UNC13C: variants seen among roughly 807,000 people sequenced by gnomAD.
UNC13C encodes the protein unc-13 homolog C.
Under a neutral mutation model 245.4 loss-of-function variants are expected in UNC13C, and 174 were observed. That is an observed-to-expected ratio of 0.71 (90% confidence interval 0.63 to 0.80). The LOEUF is 0.80. Among genes scored for constraint, UNC13C ranks in the 30% least tolerant of loss-of-function variants. The pLI, the probability that UNC13C is intolerant of heterozygous loss-of-function variation, is 0.00. For missense variants in UNC13C, 2,829 were observed against 2,602.9 expected, an observed-to-expected ratio of 1.09 and a Z score of -1.89; for synonymous variants, 992 against 895.1, an observed-to-expected ratio of 1.11 and a Z score of -1.93.
intron 8 of UNC13C, among the ~76,000 whole-genome samples, chr15:54,250,755 T>TCTTTCTTTCTTTCTTTCTTTCTTTTTC (rs1235991790): frequency 8.0e-6 from 1 of 124,836 alleles, no homozygotes; most frequent in African/African-American, 3.1e-5. Flanking sequence ...CTTTCTTTTT[T>TCTTTCTTTCTTTCTTTCTTTCTTTTTC]TTTTTTTTTT....
intron 10 of UNC13C, among the ~76,000 whole-genome samples, chr15:54,275,249 T>C: frequency 6.6e-6 from 1 of 152,166 alleles, no homozygotes; most frequent in Non-Finnish European, 1.5e-5. Flanking sequence ...TTAGAACACT[T>C]TGCCCAACAA....
intron 29 of UNC13C, among the ~76,000 whole-genome samples, chr15:54,565,494 T>C (rs774035759): frequency 7.2e-5 from 11 of 152,014 alleles, no homozygotes; most frequent in Admixed American, 1.3e-4. Flanking sequence ...CATACTACTT[T>C]ATATACACTG....
chr15:54,378,767 C>G (rs1165978890), intron 17 of UNC13C, among the ~76,000 whole-genome samples: 1 of 151,782 alleles, frequency 6.6e-6, no homozygotes, highest in African/African-American at 2.4e-5. Flanking sequence ...TCTATTATAA[C>G]GTGCTGTTAA....
intron 4 of UNC13C, among the ~76,000 whole-genome samples, chr15:54,151,013 T>G (rs1490529175): frequency 1.3e-5 from 2 of 152,320 alleles, no homozygotes; most frequent in East Asian, 3.9e-4. Context: ...TTCACCAAGT[T>G]GTAGATTGGC....
At chr15:53,853,541 C>T in the UNC13C span, among the ~76,000 whole-genome samples, 4 of 152,072 alleles carry the variant, frequency 2.6e-5, no homozygotes, top group Non-Finnish European at 4.4e-5. Context: ...AATGGTATTT[C>T]GGCCTCTAGG....
At chr15:54,434,419 A>C (rs561334149) in intron 19 of UNC13C, among the ~76,000 whole-genome samples, 2 of 152,242 alleles carry the variant, frequency 1.3e-5, no homozygotes, top group Admixed American at 6.5e-5. Context: ...CAGAGACCTC[A>C]GAAATAACAC....
At chr15:54,520,591 A>G (rs943850901) in intron 24 of UNC13C, among the ~76,000 whole-genome samples, 3 of 152,154 alleles carry the variant, frequency 2.0e-5, no homozygotes, top group African/African-American at 7.2e-5. Flanking sequence ...AGACTGAAAA[A>G]GGAGAATTGA....
chr15:54,617,864 T>G (rs957854393), intron 30 of UNC13C, among the ~76,000 whole-genome samples: 1 of 152,076 alleles, frequency 6.6e-6, no homozygotes, highest in African/African-American at 2.4e-5. Flanking sequence ...TGATATTTAA[T>G]GGTGATATTG....
At chr15:53,859,835 T>G in the UNC13C span, among the ~76,000 whole-genome samples, 4 of 152,154 alleles carry the variant, frequency 2.6e-5, no homozygotes, top group Non-Finnish European at 4.4e-5. Context: ...GCTGAATCCT[T>G]CTGATTTCAC....
chr15:54,599,187 C>A (rs1441285162), intron 30 of UNC13C, among the ~76,000 whole-genome samples: 1 of 151,920 alleles, frequency 6.6e-6, no homozygotes, highest in Non-Finnish European at 1.5e-5. Flanking sequence ...ATTATCATTC[C>A]CATCTTACCA....
chr15:54,194,929 G>T (rs1308034764), intron 4 of UNC13C, among the ~76,000 whole-genome samples: 1 of 152,122 alleles, frequency 6.6e-6, no homozygotes, highest in Non-Finnish European at 1.5e-5. Flanking sequence ...AAACAGGAAA[G>T]GATCAAAGAA....
chr15:54,307,222 G>A (rs901713867), intron 13 of UNC13C, among the ~76,000 whole-genome samples: 1 of 151,922 alleles, frequency 6.6e-6, no homozygotes, highest in Non-Finnish European at 1.5e-5. Context: ...ATGCTAGAAG[G>A]TCCAAAATTA....
At chr15:54,119,438 T>C (rs534902137) in intron 2 of UNC13C, among the ~76,000 whole-genome samples, 1 of 152,300 alleles carries the variant, frequency 6.6e-6, no homozygotes, top group East Asian at 1.9e-4. Context: ...CCATTTATAA[T>C]GGTGAACTTA....
At chr15:53,972,232 G>A in the UNC13C span, among the ~76,000 whole-genome samples, 6 of 152,180 alleles carry the variant, frequency 3.9e-5, no homozygotes, top group Non-Finnish European at 5.9e-5. Context: ...CAACCCTTCC[G>A]ATGCTTATAA....
chr15:54,035,197 C>T (rs1896523798), intron 2 of UNC13C, among the ~76,000 whole-genome samples: 1 of 151,926 alleles, frequency 6.6e-6, no homozygotes, highest in African/African-American at 2.4e-5. Flanking sequence ...GTATAATGTA[C>T]CCAGAAAATG....
In UNC13C at chr15:54,587,795, T is replaced by C. The variant is rs1566925487; in HGVS notation, c.6106+19848T>C. 2.0e-5 allele frequency among the ~76,000 whole-genome samples: 3 copies of C among 152,356 alleles called. No homozygotes were observed. In the South Asian group the frequency reaches 6.2e-4, roughly 32 times the overall value. ...CTCTACACAAACAGCAAACATCTTT[T>C]TACTTTATTCAGTCAAATAAAAGGT... On this transcript the variant is annotated intron_variant, in intron 30 of 32. Transcript: ENST00000260323.
At chr15:54,124,201 G>C (rs2030876899) in intron 2 of UNC13C, among the ~76,000 whole-genome samples, 1 of 152,090 alleles carries the variant, frequency 6.6e-6, no homozygotes. Flanking sequence ...ATTTCGCTAG[G>C]ATAAATGCCT....
At chr15:54,493,019 G>T (rs1893790270) in intron 19 of UNC13C, among the ~76,000 whole-genome samples, 1 of 152,160 alleles carries the variant, frequency 6.6e-6, no homozygotes, top group African/African-American at 2.4e-5. Context: ...TGATAGAGGA[G>T]CCCAAGAGCT....
chr15:54,338,527 T>A (rs947738741), intron 17 of UNC13C, 38 bp downstream of exon 17: 2 of 1,604,210 alleles, frequency 1.2e-6, no homozygotes, highest in Middle Eastern at 1.7e-4. Flanking sequence ...TCGCCACTTT[T>A]GTTTCTAGTA....
Sources: allele counts gnomAD v4.1 joint callset (sites outside exome capture counted in the v4.1 genomes callset), GRCh38; gene constraint gnomAD v4.1.1; transcripts MANE v1.5; gene names NCBI Gene and HGNC (gene_info 2026-07-23, HGNC 2026-07-21).